The following MERTK variants were observed in gnomAD, a reference collection of about 807,000 sequenced individuals.
The protein encoded by MERTK is MER proto-oncogene, tyrosine kinase, also known as tyrosine-protein kinase Mer.
Under a neutral mutation model 99.3 loss-of-function variants are expected in MERTK, and 69 were observed. That is an observed-to-expected ratio of 0.70 (90% CI 0.57 to 0.85). The LOEUF (loss-of-function observed/expected upper bound fraction) is 0.85, where lower values mean the gene tolerates loss of function less well. Among genes scored for constraint, MERTK ranks in the 40% least tolerant of loss-of-function variants. MERTK has a pLI of 0.00. For synonymous variants in MERTK, 426 were observed against 467.6 expected, an observed-to-expected ratio of 0.91 and a Z score of 1.15; for missense variants, 1,125 against 1,249.4, an observed-to-expected ratio of 0.90 and a Z score of 1.50.
chr2:111,915,022 G>T (rs1684324776), intron 1 of MERTK, among the ~76,000 whole-genome samples: 3 of 152,180 alleles, frequency 2.0e-5, no homozygotes, highest in South Asian at 4.1e-4. Flanking sequence ...TGGGCCTGGA[G>T]ATTTGTTTTT....
At chr2:111,914,101 CTTTTTTTTTTTTT>C (rs765850254) in intron 1 of MERTK, among the ~76,000 whole-genome samples, 2 of 94,456 alleles carry the variant, frequency 2.1e-5, no homozygotes, top group African/African-American at 4.8e-5. Flanking sequence ...TTCTTTCTTT[CTTTTTTTTTTTTT>C]TTTTTTTTTG....
At chr2:111,951,027 C>T (rs1191201963) in intron 4 of MERTK, among the ~76,000 whole-genome samples, 2 of 151,082 alleles carry the variant, frequency 1.3e-5, no homozygotes, top group Non-Finnish European at 2.9e-5. Flanking sequence ...ATTGTATGTA[C>T]TTAAGGTATA....
chr2:112,005,496 G>A (rs1365878809), intron 13 of MERTK, among the ~76,000 whole-genome samples: 1 of 152,222 alleles, frequency 6.6e-6, no homozygotes, highest in Non-Finnish European at 1.5e-5. Context: ...CACTGGCAGA[G>A]CAAGGCAGCA....
chr2:111,947,310 T>C lies in MERTK; in HGVS notation c.584-84T>C. 17 of 985,788 alleles carry C rather than the reference T, an allele frequency of 1.7e-5. No homozygotes were observed. The South Asian group carries it at 2.1e-4, about 12-fold the overall frequency. 61.1% of individuals were successfully genotyped at this position (985,788 alleles called of 1,614,324 possible). On this transcript the variant is annotated intron_variant, in intron 3 of 18. Transcript: ENST00000295408. ...ACAAAAAAAGAAATCTATTGCCAAG[T>C]TCTAGTCCAGTTTCCATTCCCCTTT...
intron 18 of MERTK, among the ~76,000 whole-genome samples, chr2:112,027,329 TA>T (rs1677485424): frequency 1.3e-5 from 2 of 150,588 alleles, no homozygotes; most frequent in Non-Finnish European, 3.0e-5. Context: ...TACACACACA[TA>T]TGGCATATAT....
At chr2:111,982,072 T>A (rs77724753) in intron 7 of MERTK, among the ~76,000 whole-genome samples, 4 of 151,942 alleles carry the variant, frequency 2.6e-5, no homozygotes, top group Non-Finnish European at 1.5e-5. Flanking sequence ...TTTTTTTTTT[T>A]CTTTTGAGAT....
At chr2:112,022,585 T>C in intron 18 of MERTK, 191 bp downstream of exon 18, 2 of 891,700 alleles carry the variant, frequency 2.2e-6, no homozygotes, top group South Asian at 2.6e-5. Context: ...GTGTGTGGTA[T>C]CTCCAGTGAG....
rs56410508 is a variant in MERTK, at chr2:111,951,522, CATATATATAT to C, written c.757+3973_757+3982del. On this transcript the variant is annotated intron_variant, in intron 4 of 18. Transcript: ENST00000295408. ...TTTTGTACACGCTGAATAATATTCC[CATATATATAT>C]ATATATATATATATATACCATAATT... Among the ~76,000 whole-genome samples, 394 of 85,868 alleles carry C rather than the reference CATATATATAT, an allele frequency of 4.6e-3. 15 individuals are homozygous for C. Among genetic ancestry groups the C allele is most frequent in the African/African-American group, 0.012 (313 of 25,624 alleles). The allele number at this position is 85,868 out of a possible 152,430, so 56.3% of individuals were successfully genotyped here. A position where few individuals can be genotyped will look rare whatever the true frequency, so the allele number is the denominator to read the frequency against.
intron 16 of MERTK, chr2:112,020,629 A>C (rs925275074): frequency 2.1e-6 from 1 of 471,136 alleles, no homozygotes; most frequent in Non-Finnish European, 4.4e-6. Context: ...CTTAGCAAGA[A>C]GCCCAGCATC....
chr2:111,994,108 T>C (rs1326127142), intron 8 of MERTK, 143 bp from the exon 9 acceptor site: 2 of 990,154 alleles, frequency 2.0e-6, no homozygotes, highest in Non-Finnish European at 1.6e-6. Context: ...GGCCATGGCC[T>C]GAGTGACAAA....
chr2:111,980,671 G>C (rs904758620), intron 7 of MERTK, among the ~76,000 whole-genome samples: 1 of 152,084 alleles, frequency 6.6e-6, no homozygotes, highest in Admixed American at 6.5e-5. Flanking sequence ...ACCCGCCTCG[G>C]CCTCCCAAAA....
At chr2:112,020,260 T>C (rs1460761825) in intron 16 of MERTK, among the ~76,000 whole-genome samples, 1 of 152,184 alleles carries the variant, frequency 6.6e-6, no homozygotes. Context: ...GGTTTTGTTA[T>C]TGTTATTATT....
chr2:111,966,918 A>G (rs184777446), intron 5 of MERTK, among the ~76,000 whole-genome samples: 1 of 152,012 alleles, frequency 6.6e-6, no homozygotes, highest in African/African-American at 2.4e-5. Context: ...CATCACCTTC[A>G]TCCTCACCAC....
intron 8 of MERTK, 95 bp from the exon 9 acceptor site, chr2:111,994,156 G>C: frequency 7.0e-7 from 1 of 1,431,232 alleles, no homozygotes; most frequent in South Asian, 1.2e-5. Flanking sequence ...CCTCGGACGT[G>C]GGCGGGATGG....
rs1438520057 is a variant in MERTK, at chr2:112,021,588, A to G, written c.2349+7A>G. On this transcript the variant is annotated splice_region_variant and intron_variant, in intron 17 of 18. Transcript: ENST00000295408. ...CACAAGTAAAAGTGATGTGGTATGT[A>G]CACAGCTTTGATTCAGGGGTCCCAC... 6.2e-7 allele frequency: 1 copy of G among 1,610,170 alleles called. No individual in the cohort carries two copies. The highest frequency in any genetic ancestry group is 8.5e-7 in the Non-Finnish European group (1 of 1,176,912).
chr2:111,949,276 A>AG (rs1004140185), intron 4 of MERTK, among the ~76,000 whole-genome samples: 19 of 152,112 alleles, frequency 1.2e-4, no homozygotes, highest in African/African-American at 4.6e-4. Context: ...ATGCTCAGTA[A>AG]GGACAAGAGC....
chr2:112,007,692 T>G (rs905807614), intron 13 of MERTK, among the ~76,000 whole-genome samples: 1 of 151,654 alleles, frequency 6.6e-6, no homozygotes, highest in Non-Finnish European at 1.5e-5. Flanking sequence ...TTCAAAAAAT[T>G]TGGTATGAAA....
chr2:111,964,431 G>A (rs752920895), intron 4 of MERTK, among the ~76,000 whole-genome samples: 15 of 151,748 alleles, frequency 9.9e-5, no homozygotes, highest in Non-Finnish European at 1.8e-4. Flanking sequence ...GTGTGTGTAC[G>A]TTGTGTGTTG....
Position 112,003,082 on chromosome 2 carries a change from C to T in MERTK, c.1691-10C>T. ...CAATTTTTGTACATACTATGTTACTCCTTTTTCAGTACATAGCTTGGGAGT... is the reference window on the plus strand; with the variant it reads ...CAATTTTTGTACATACTATGTTACTTCTTTTTCAGTACATAGCTTGGGAGT... On this transcript the variant is annotated splice_polypyrimidine_tract_variant and intron_variant, in intron 11 of 18. Transcript: ENST00000295408. 2 of 1,343,754 alleles carry T rather than the reference C, an allele frequency of 1.5e-6. No homozygotes were observed. Among genetic ancestry groups the T allele is most frequent in the Non-Finnish European group, 2.1e-6 (2 of 933,788 alleles). 83.2% of individuals were successfully genotyped at this position (1,343,754 alleles called of 1,614,324 possible).
Sources: gnomAD v4.1 joint callset for allele counts (sites outside exome capture counted in the v4.1 genomes callset) on GRCh38, gnomAD v4.1.1 for gene constraint, MANE v1.5 for transcripts, NCBI Gene and HGNC (gene_info 2026-07-23, HGNC 2026-07-21) for gene names.